IGSF21: variants seen among roughly 807,000 people sequenced by gnomAD.
IGSF21 encodes immunoglobulin superfamily member 21.
A neutral mutation model predicts 46.8 loss-of-function variants in IGSF21; 28 were observed. The ratio of observed to expected loss-of-function variants is 0.60; its 90% CI spans 0.44 to 0.82. The LOEUF (loss-of-function observed/expected upper bound fraction) is 0.82, where lower values mean the gene tolerates loss of function less well. Ranked by LOEUF, IGSF21 falls within the 40% of genes least tolerant of loss-of-function variation. IGSF21 has a pLI of 0.00. For missense variants in IGSF21, 624 were observed against 665.5 expected, an observed-to-expected ratio of 0.94 and a Z score of 0.69; for synonymous variants, 284 against 273.6, an observed-to-expected ratio of 1.04 and a Z score of -0.38.
Position 18,376,126 on chromosome 1 carries a change from G to A in IGSF21, c.1016-184G>A. The A allele has an allele frequency of 6.5e-6, 4 of 613,324 alleles. No individual in the cohort carries two copies. In the Admixed American group the frequency reaches 7.0e-5, roughly 11 times the overall value. The allele number at this position is 613,324 out of a possible 1,614,324, so 38.0% of individuals were successfully genotyped here. ...CTAGAGAGCATCTGATTCATTGCAT[G>A]GGCTTAGGGAATATGTCTGAATGAA... On this transcript the variant is annotated intron_variant, in intron 6 of 9. Coordinates refer to ENST00000251296, the MANE Select transcript of IGSF21 (RefSeq NM_032880.5).
At chr1:18,226,278 G>C (rs893873220) in intron 1 of IGSF21, among the ~76,000 whole-genome samples, 2 of 152,208 alleles carry the variant, frequency 1.3e-5, no homozygotes, top group African/African-American at 4.8e-5. Flanking sequence ...AGTGGTGACT[G>C]TGTTGGGCAT....
chr1:18,148,766 G>T (rs12742611), intron 1 of IGSF21, among the ~76,000 whole-genome samples: 13,919 of 152,186 alleles, frequency 0.091, 711 homozygotes, highest in Middle Eastern at 0.19. Flanking sequence ...TCATATCATC[G>T]CTTATTTCAT....
intron 3 of IGSF21, among the ~76,000 whole-genome samples, chr1:18,313,023 G>T (rs748617342): frequency 6.6e-6 from 1 of 152,194 alleles, no homozygotes; most frequent in African/African-American, 2.4e-5. Context: ...AGTTCCTGAA[G>T]GGCAAGAGCC....
chr1:18,149,605 C>T (rs1384828020), intron 1 of IGSF21, among the ~76,000 whole-genome samples: 3 of 152,070 alleles, frequency 2.0e-5, no homozygotes, highest in Non-Finnish European at 4.4e-5. Flanking sequence ...TGAGCTCTCT[C>T]GGTGGCAGGC....
chr1:18,257,331 G>A (rs4920467), intron 2 of IGSF21, among the ~76,000 whole-genome samples: 21,445 of 152,152 alleles, frequency 0.14, 1,735 homozygotes, highest in Non-Finnish European at 0.18. Context: ...TCAGACCTAT[G>A]GAAGGTCTTC....
chr1:18,123,331 G>C (rs1391976025), intron 1 of IGSF21, among the ~76,000 whole-genome samples: 1 of 152,188 alleles, frequency 6.6e-6, no homozygotes, highest in Non-Finnish European at 1.5e-5. Flanking sequence ...CAGTGACAAG[G>C]GATGCTCCAT....
At chr1:18,195,542 C>A (rs12411089) in intron 1 of IGSF21, among the ~76,000 whole-genome samples, 17,422 of 152,186 alleles carry the variant, frequency 0.11, 1,368 homozygotes, top group Admixed American at 0.29. Context: ...GATTCCCCGG[C>A]TCTGTGTGAA....
intron 2 of IGSF21, among the ~76,000 whole-genome samples, chr1:18,250,566 A>C (rs1398409582): frequency 6.6e-6 from 1 of 152,172 alleles, no homozygotes; most frequent in Non-Finnish European, 1.5e-5. Flanking sequence ...TAATTAAACT[A>C]CCTTCAAACA....
chr1:18,177,963 G>A (rs549008150), intron 1 of IGSF21, among the ~76,000 whole-genome samples: 5 of 152,082 alleles, frequency 3.3e-5, no homozygotes, highest in Admixed American at 1.3e-4. Context: ...ACGATGGGGC[G>A]AGTTTCTTAC....
intron 2 of IGSF21, among the ~76,000 whole-genome samples, chr1:18,287,172 C>T (rs2085220468): frequency 2.9e-5 from 3 of 102,418 alleles, no homozygotes; most frequent in African/African-American, 9.4e-5. Context: ...CAGAGCGAGA[C>T]TCCGTCTCAA....
At chr1:18,126,676 G>C (rs555746137) in intron 1 of IGSF21, among the ~76,000 whole-genome samples, 1 of 152,240 alleles carries the variant, frequency 6.6e-6, no homozygotes, top group Admixed American at 6.5e-5. Context: ...CAACTGGCCT[G>C]CCCCACCCTC....
rs1031980875 is a variant in IGSF21 at position 18,154,146 on chromosome 1, C to T, written c.70+45948C>T. Among the ~76,000 whole-genome samples, 5 of 152,272 alleles carry T rather than the reference C, an allele frequency of 3.3e-5. No individual in the cohort carries two copies. In the Middle Eastern group the frequency reaches 0.01, roughly 311 times the overall value. ...GTAGAACATGCATTCCTCGCTTCAC[C>T]CCAGTCCCCACCCTTCCCTATCGCC... On this transcript the variant is annotated intron_variant, in intron 1 of 9. Transcript: ENST00000251296.
chr1:18,336,854 T>C (rs1358168727), intron 4 of IGSF21, among the ~76,000 whole-genome samples: 1 of 152,136 alleles, frequency 6.6e-6, no homozygotes, highest in Non-Finnish European at 1.5e-5. Flanking sequence ...GGCCTCACAA[T>C]CGCGGTGGAA....
At chr1:18,359,379 A>AAGGAAGGAAGGAAGG (rs1557659597) in intron 4 of IGSF21, among the ~76,000 whole-genome samples, 1 of 82,320 alleles carries the variant, frequency 1.2e-5, no homozygotes, top group African/African-American at 5.2e-5. Context: ...AGAAAGAAAG[A>AAGGAAGGAAGGAAGG]AAGAAAGGAA....
At chr1:18,276,557 C>T (rs903606363) in intron 2 of IGSF21, among the ~76,000 whole-genome samples, 10 of 148,134 alleles carry the variant, frequency 6.8e-5, no homozygotes, top group African/African-American at 2.2e-4. Context: ...AGATCGTAGA[C>T]CCCCCGACCC....
At chr1:18,325,886 G>A (rs190394252) in intron 3 of IGSF21, among the ~76,000 whole-genome samples, 295 of 152,332 alleles carry the variant, frequency 1.9e-3, no homozygotes, top group African/African-American at 6.8e-3. Flanking sequence ...GGGCAGCCGG[G>A]GATAGGCAGC....
chr1:18,243,075 G>A (rs903063042), intron 2 of IGSF21, among the ~76,000 whole-genome samples: 3 of 152,152 alleles, frequency 2.0e-5, no homozygotes, highest in African/African-American at 7.2e-5. Flanking sequence ...GGGCAATCAG[G>A]GACCTATGCC....
chr1:18,159,600 A>G (rs2086598019), intron 1 of IGSF21, among the ~76,000 whole-genome samples: 1 of 151,754 alleles, frequency 6.6e-6, no homozygotes, highest in Non-Finnish European at 1.5e-5. Flanking sequence ...GCCTCTTGCC[A>G]TGATTGTGAG....
chr1:18,149,804 T>C (rs1180297780), intron 1 of IGSF21, among the ~76,000 whole-genome samples: 2 of 152,146 alleles, frequency 1.3e-5, no homozygotes, highest in Non-Finnish European at 2.9e-5. Flanking sequence ...TGTTTCTGCA[T>C]CTGTAAAATG....
Sources: allele counts gnomAD v4.1 joint callset (sites outside exome capture counted in the v4.1 genomes callset), GRCh38; gene constraint gnomAD v4.1.1; transcripts MANE v1.5; gene names NCBI Gene and HGNC (gene_info 2026-07-23, HGNC 2026-07-21).